The following PTPRD variants were observed in gnomAD, a reference collection of about 807,000 sequenced individuals.
PTPRD encodes the protein receptor-type tyrosine-protein phosphatase delta.
A neutral mutation model predicts 214.5 loss-of-function variants in PTPRD; 34 were observed. The observed-to-expected ratio is 0.16, with a 90% CI of 0.12 to 0.21. The LOEUF (loss-of-function observed/expected upper bound fraction) is 0.21. PTPRD is among the 10% of genes least tolerant of loss of function. The pLI is 1.00. For missense variants in PTPRD, 2,545 were observed against 2,398.7 expected, an observed-to-expected ratio of 1.06 and a Z score of -1.27; for synonymous variants, 1,128 against 845.7, an observed-to-expected ratio of 1.33 and a Z score of -5.79.
chr9:8,922,007 T>C (rs558546670), intron 11 of PTPRD, among the ~76,000 whole-genome samples: 1 of 152,310 alleles, frequency 6.6e-6, no homozygotes, highest in East Asian at 1.9e-4. Context: ...CCAGTCTCTC[T>C]TCACAAAGGA....
At chr9:9,881,260 T>C (rs1174910588) in intron 5 of PTPRD, among the ~76,000 whole-genome samples, 1 of 152,216 alleles carries the variant, frequency 6.6e-6, no homozygotes, top group Non-Finnish European at 1.5e-5. Context: ...AATCATCTTT[T>C]GGATACATAT....
chr9:10,554,323 C>A (rs576173248), intron 2 of PTPRD, among the ~76,000 whole-genome samples: 3 of 152,244 alleles, frequency 2.0e-5, no homozygotes, highest in African/African-American at 7.2e-5. Flanking sequence ...TTCACCTGAA[C>A]AAAATAGAAG....
chr9:8,708,740 G>C (rs1168553698), intron 12 of PTPRD, among the ~76,000 whole-genome samples: 2 of 147,238 alleles, frequency 1.4e-5, no homozygotes, highest in Middle Eastern at 3.7e-3. Flanking sequence ...CCCACTACTA[G>C]GTCTATATAT....
At chr9:9,212,268 T>C (rs2099949255) in intron 9 of PTPRD, among the ~76,000 whole-genome samples, 1 of 152,176 alleles carries the variant, frequency 6.6e-6, no homozygotes, top group African/African-American at 2.4e-5. Context: ...CAGCCTTAAA[T>C]TATTGCCATA....
chr9:9,358,601 T>A (rs1033542291), intron 9 of PTPRD, among the ~76,000 whole-genome samples: 2 of 151,262 alleles, frequency 1.3e-5, no homozygotes, highest in African/African-American at 4.8e-5. Flanking sequence ...ATGCCAATAG[T>A]CATAAAAGAA....
At chr9:10,010,942 T>A (rs1588848716) in intron 4 of PTPRD, among the ~76,000 whole-genome samples, 3 of 151,918 alleles carry the variant, frequency 2.0e-5, no homozygotes, top group South Asian at 4.1e-4. Flanking sequence ...ATCAGGAAAA[T>A]TAGATCATAA....
At position 9,818,350 on chromosome 9, in the gene PTPRD, C is replaced by A. The variant is rs79394743; in HGVS notation, c.-367-51499G>T. Among the ~76,000 whole-genome samples the A allele has an allele frequency of 8.1e-3, 1,229 of 152,120 alleles. 9 individuals are homozygous for A. Among genetic ancestry groups the A allele is most frequent in the African/African-American group, 0.028 (1,149 of 41,514 alleles). On this transcript the variant is annotated intron_variant, in intron 5 of 45. Coordinates refer to ENST00000381196, the MANE Select transcript of PTPRD (RefSeq NM_002839.4). ...GAGGTAAGCCTTTTTATCAGCTGAG[C>A]ATTTCAGCCTTGTGTTTCTTCTGCT...
chr9:10,437,107 G>C (rs971951703), intron 2 of PTPRD, among the ~76,000 whole-genome samples: 3 of 151,644 alleles, frequency 2.0e-5, no homozygotes, highest in Non-Finnish European at 4.4e-5. Flanking sequence ...CCTGAAGAAT[G>C]GTACATTTAC....
chr9:9,846,472 A>C (rs1270045845), intron 5 of PTPRD, among the ~76,000 whole-genome samples: 1 of 152,156 alleles, frequency 6.6e-6, no homozygotes, highest in Non-Finnish European at 1.5e-5. Context: ...ATTGTTTCTA[A>C]ATATGTAAAT....
chr9:9,123,316 C>T (rs1402448210), intron 10 of PTPRD, among the ~76,000 whole-genome samples: 1 of 152,142 alleles, frequency 6.6e-6, no homozygotes, highest in African/African-American at 2.4e-5. Context: ...ATGCTAGCAC[C>T]ATTTCCCCTT....
At chr9:9,649,261 A>T (rs2096273659) in intron 7 of PTPRD, among the ~76,000 whole-genome samples, 1 of 152,186 alleles carries the variant, frequency 6.6e-6, no homozygotes, top group African/African-American at 2.4e-5. Flanking sequence ...TTCCCACTGT[A>T]TTGCCAAAAC....
At chr9:8,661,713 T>C (rs2097057725) in intron 12 of PTPRD, among the ~76,000 whole-genome samples, 2 of 151,474 alleles carry the variant, frequency 1.3e-5, no homozygotes, top group Non-Finnish European at 2.9e-5. Flanking sequence ...AATGTTGATT[T>C]ATACTTTCAC....
At chr9:10,303,414 G>C (rs1199755504) in intron 3 of PTPRD, among the ~76,000 whole-genome samples, 1 of 151,106 alleles carries the variant, frequency 6.6e-6, no homozygotes, top group Non-Finnish European at 1.5e-5. Flanking sequence ...TAAGATCAGA[G>C]CAGAACTGAA....
intron 7 of PTPRD, among the ~76,000 whole-genome samples, chr9:9,675,914 T>C (rs991021740): frequency 4.6e-5 from 7 of 151,986 alleles, no homozygotes; most frequent in African/African-American, 9.7e-5. Flanking sequence ...GATGTAAAAA[T>C]TCCAATCAAA....
chr9:9,118,834 TAA>T (rs1171456079), intron 10 of PTPRD, among the ~76,000 whole-genome samples: 1 of 152,162 alleles, frequency 6.6e-6, no homozygotes, highest in Admixed American at 6.5e-5. Flanking sequence ...AAGTAAATAA[TAA>T]GAGCATTTTA....
chr9:8,370,852 A>G (rs1053905971), intron 39 of PTPRD, among the ~76,000 whole-genome samples: 1 of 152,096 alleles, frequency 6.6e-6, no homozygotes, highest in African/African-American at 2.4e-5. Flanking sequence ...CACCACTAGT[A>G]GTATGAGCTC....
chr9:9,949,185 G>A (rs1036840739), intron 4 of PTPRD, among the ~76,000 whole-genome samples: 3 of 151,992 alleles, frequency 2.0e-5, no homozygotes, highest in Non-Finnish European at 4.4e-5. Flanking sequence ...CTTAAAAAGT[G>A]TTTCATTAAT....
At chr9:8,334,033 A>G (rs936048372) in intron 43 of PTPRD, among the ~76,000 whole-genome samples, 1 of 152,138 alleles carries the variant, frequency 6.6e-6, no homozygotes, top group East Asian at 1.9e-4. Context: ...GATTCATAAA[A>G]TAAAGCAAGT....
intron 36 of PTPRD, among the ~76,000 whole-genome samples, chr9:8,397,958 C>A (rs774701669): frequency 2.0e-5 from 3 of 152,038 alleles, no homozygotes; most frequent in African/African-American, 7.2e-5. Context: ...TAGATTCTTG[C>A]CCCTGTTGAA....
Sources: gnomAD v4.1 joint callset for allele counts (sites outside exome capture counted in the v4.1 genomes callset) on GRCh38, gnomAD v4.1.1 for gene constraint, MANE v1.5 for transcripts, NCBI Gene and HGNC (gene_info 2026-07-23, HGNC 2026-07-21) for gene names.